TBC1D5: variants seen among roughly 807,000 people sequenced by gnomAD.
The protein encoded by TBC1D5 is TBC1 domain family, member 5.
TBC1D5 carries 75 observed loss-of-function variants against 100.3 expected under a neutral mutation model. That is an observed-to-expected ratio of 0.75 (90% CI 0.62 to 0.91). The LOEUF (loss-of-function observed/expected upper bound fraction) is 0.91. Among genes scored for constraint, TBC1D5 ranks in the 40% least tolerant of loss-of-function variants. The probability of loss-of-function intolerance (pLI) is 0.00; values close to 1 mark genes in which losing one functional copy is unlikely to be tolerated. For missense variants in TBC1D5, 910 were observed against 942.4 expected, an observed-to-expected ratio of 0.97 and a Z score of 0.45; for synonymous variants, 323 against 325.6, an observed-to-expected ratio of 0.99 and a Z score of 0.09.
rs1013982358 is a variant in TBC1D5 at position 17,372,011 on chromosome 3, T to C, written c.995+64A>G. On this transcript the variant is annotated intron_variant, in intron 13 of 21. Coordinates refer to ENST00000253692, the Ensembl canonical transcript of TBC1D5. ...AAGATCATGCCACTGCACTCTAGCATGGGTGAAAGATGGAGACTCTGTCTC... is the reference window on the plus strand; with the variant it reads ...AAGATCATGCCACTGCACTCTAGCACGGGTGAAAGATGGAGACTCTGTCTC... The C allele has an allele frequency of 2.2e-6, 3 of 1,349,852 alleles. No homozygotes were observed. In the African/African-American group the frequency reaches 4.4e-5, roughly 20 times the overall value. The allele number at this position is 1,349,852 out of a possible 1,614,324, so 83.6% of individuals were successfully genotyped here.
chr3:17,511,989 G>A (rs1311438758), intron 2 of TBC1D5, among the ~76,000 whole-genome samples: 2 of 152,102 alleles, frequency 1.3e-5, no homozygotes, highest in East Asian at 1.9e-4. Flanking sequence ...AACTGATTAA[G>A]AAGTTGCTGC....
intron 2 of TBC1D5, among the ~76,000 whole-genome samples, chr3:17,591,265 A>AAAAAAAAAAAAAAAAAAC (rs2096769423): frequency 9.2e-6 from 1 of 109,140 alleles, no homozygotes; most frequent in Non-Finnish European, 1.9e-5. Context: ...AAAAAAAAAA[A>AAAAAAAAAAAAAAAAAAC]ACAAAAACCC....
chr3:17,737,691 C>G (rs1458626693), intron 1 of TBC1D5, among the ~76,000 whole-genome samples: 2 of 152,058 alleles, frequency 1.3e-5, no homozygotes, highest in African/African-American at 4.8e-5. Context: ...TTTAAAAAGT[C>G]AATCACTCTT....
chr3:17,166,937 A>G lies in TBC1D5; in HGVS notation c.1933-9T>C, dbSNP rs371681788. 7.6e-6 allele frequency: 12 copies of G among 1,585,994 alleles called. No individual in the cohort carries two copies. Among genetic ancestry groups the G allele is most frequent in the African/African-American group, 1.4e-5 (1 of 73,626 alleles). On this transcript the variant is annotated splice_polypyrimidine_tract_variant and intron_variant, in intron 20 of 21. Coordinates refer to ENST00000253692, the Ensembl canonical transcript of TBC1D5. ...TTTAGAATGTCTTTGATCTATTTTC[A>G]AAGAAGAAGAAAATAAATGAAAAAA... is the stretch of plus-strand genomic sequence containing the variant.
intron 1 of TBC1D5, among the ~76,000 whole-genome samples, chr3:17,730,319 CTG>C (rs1434304555): frequency 1.3e-5 from 2 of 152,200 alleles, no homozygotes; most frequent in Non-Finnish European, 2.9e-5. Context: ...TGGGCTGACT[CTG>C]TCTTCTTAGC....
intron 3 of TBC1D5, among the ~76,000 whole-genome samples, chr3:17,487,474 G>C (rs1163951526): frequency 1.3e-5 from 2 of 152,118 alleles, no homozygotes; most frequent in African/African-American, 4.8e-5. Flanking sequence ...ACTGTTAAAT[G>C]AAAAATTAGA....
chr3:17,419,212 G>A (rs2094152090), intron 4 of TBC1D5, among the ~76,000 whole-genome samples: 1 of 152,208 alleles, frequency 6.6e-6, no homozygotes. Flanking sequence ...ATAAGTACAA[G>A]GATAGCTAGC....
chr3:17,657,631 G>A lies in TBC1D5; in HGVS notation c.-100-33718C>T, dbSNP rs577203278. Among the ~76,000 whole-genome samples, 18 of 152,188 alleles carry A rather than the reference G, an allele frequency of 1.2e-4. No individual in the cohort carries two copies. In the South Asian group the frequency reaches 3.1e-3, roughly 26 times the overall value. Reference sequence around the variant, plus strand: ...ATTACAGGCGTGAGCCACCATGTCCGGCCGGACAAATTCTTTCTTTAGCTG... The same window carrying A: ...ATTACAGGCGTGAGCCACCATGTCCAGCCGGACAAATTCTTTCTTTAGCTG... On this transcript the variant is annotated intron_variant, in intron 1 of 21. Transcript: ENST00000253692.
chr3:17,276,134 T>C (rs2079981559), intron 15 of TBC1D5, among the ~76,000 whole-genome samples: 1 of 151,756 alleles, frequency 6.6e-6, no homozygotes, highest in Non-Finnish European at 1.5e-5. Context: ...AGGATAAAGG[T>C]GGCAGCAGAG....
intron 19 of TBC1D5, among the ~76,000 whole-genome samples, chr3:17,170,016 G>A (rs1339495601): frequency 6.6e-6 from 1 of 152,242 alleles, no homozygotes; most frequent in East Asian, 1.9e-4. Flanking sequence ...GTGGAGCTCA[G>A]GTGGTAACGC....
At chr3:17,526,010 T>C (rs919204495) in intron 2 of TBC1D5, among the ~76,000 whole-genome samples, 3 of 152,166 alleles carry the variant, frequency 2.0e-5, no homozygotes, top group African/African-American at 7.2e-5. Flanking sequence ...CATTCAGTTT[T>C]AGAATGTTAA....
intron 3 of TBC1D5, among the ~76,000 whole-genome samples, chr3:17,479,121 C>A (rs2095471778): frequency 6.6e-6 from 1 of 152,158 alleles, no homozygotes; most frequent in South Asian, 2.1e-4. Flanking sequence ...CATGCAAAGG[C>A]TGGACGTGGC....
intron 19 of TBC1D5, among the ~76,000 whole-genome samples, chr3:17,183,026 AGGACT>A (rs145869352): frequency 6.6e-6 from 1 of 152,274 alleles, no homozygotes; most frequent in East Asian, 1.9e-4. Flanking sequence ...TAGAAGCTCC[AGGACT>A]GGAAATCTCT....
At chr3:17,427,756 C>T (rs1476647902) in intron 4 of TBC1D5, among the ~76,000 whole-genome samples, 2 of 151,954 alleles carry the variant, frequency 1.3e-5, no homozygotes, top group East Asian at 1.9e-4. Context: ...CAATTTCTTA[C>T]ACCACTTTGG....
intron 1 of TBC1D5, among the ~76,000 whole-genome samples, chr3:17,650,020 A>G (rs1026447339): frequency 1.4e-4 from 22 of 152,142 alleles, no homozygotes; most frequent in Non-Finnish European, 1.9e-4. Flanking sequence ...GGAAACCATC[A>G]TTCTCAGCAA....
chr3:17,166,564 C>A (rs1282571084), intron 21 of TBC1D5, among the ~76,000 whole-genome samples: 2 of 152,232 alleles, frequency 1.3e-5, no homozygotes, highest in East Asian at 3.8e-4. Flanking sequence ...CTAGGAGACA[C>A]TTGTCTTACC....
At chr3:17,734,233 C>A (rs2076788710) in intron 1 of TBC1D5, among the ~76,000 whole-genome samples, 2 of 152,062 alleles carry the variant, frequency 1.3e-5, no homozygotes, top group African/African-American at 4.8e-5. Flanking sequence ...TATATACAAA[C>A]CTTTATAAAT....
At chr3:17,631,043 CAA>C (rs67069718) in intron 1 of TBC1D5, among the ~76,000 whole-genome samples, 1 of 29,398 alleles carries the variant, frequency 3.4e-5, no homozygotes, top group East Asian at 1.7e-3. Context: ...GACTCCGTCT[CAA>C]AAAAAAAAAA....
At chr3:17,343,837 G>A (rs13079294) in intron 13 of TBC1D5, among the ~76,000 whole-genome samples, 1 of 151,940 alleles carries the variant, frequency 6.6e-6, no homozygotes, top group African/African-American at 2.4e-5. Context: ...TTTTTATTGT[G>A]TCTATTTGAT....
Sources: gnomAD v4.1 joint callset for allele counts (sites outside exome capture counted in the v4.1 genomes callset) on GRCh38, gnomAD v4.1.1 for gene constraint, MANE v1.5 for transcripts, NCBI Gene and HGNC (gene_info 2026-07-23, HGNC 2026-07-21) for gene names.